The following SLC16A7 variants were observed in gnomAD, a reference collection of about 807,000 sequenced individuals.
The protein encoded by SLC16A7 is monocarboxylate transporter 2.
SLC16A7 carries 33 observed loss-of-function variants against 34.9 expected under a neutral mutation model. The ratio of observed to expected loss-of-function variants is 0.94; its 90% CI spans 0.72 to 1.26. The LOEUF (loss-of-function observed/expected upper bound fraction) is 1.26. SLC16A7 is among the 50% of genes most tolerant of loss of function. The pLI is 0.00. For missense variants in SLC16A7, 573 were observed against 578.1 expected (o/e 0.99, Z 0.09); for synonymous variants, 201 against 206.6 (o/e 0.97, Z 0.23).
intron 3 of SLC16A7, among the ~76,000 whole-genome samples, chr12:59,732,692 G>C (rs996601552): frequency 6.6e-6 from 1 of 152,112 alleles, no homozygotes; most frequent in Non-Finnish European, 1.5e-5. Flanking sequence ...CATTCTGAGG[G>C]ACTTCATAAG....
At chr12:59,723,880 T>C (rs1875915691) in intron 3 of SLC16A7, among the ~76,000 whole-genome samples, 1 of 152,028 alleles carries the variant, frequency 6.6e-6, no homozygotes, top group Non-Finnish European at 1.5e-5. Flanking sequence ...ATTGCCTTTT[T>C]TTCTTCCATG....
At chr12:59,723,359 G>T (rs1875836837) in intron 3 of SLC16A7, among the ~76,000 whole-genome samples, 1 of 151,920 alleles carries the variant, frequency 6.6e-6, no homozygotes, top group Non-Finnish European at 1.5e-5. Flanking sequence ...ATCCTCCTGT[G>T]TGCCAGGAAT....
At chr12:59,629,132 C>G (rs1375372965) in intron 1 of SLC16A7, among the ~76,000 whole-genome samples, 1 of 151,798 alleles carries the variant, frequency 6.6e-6, no homozygotes, top group Non-Finnish European at 1.5e-5. Context: ...CTGATCTCTT[C>G]TTATAAGGAC....
chr12:59,629,567 C>T (rs998453061), intron 1 of SLC16A7, among the ~76,000 whole-genome samples: 1 of 151,900 alleles, frequency 6.6e-6, no homozygotes, highest in Non-Finnish European at 1.5e-5. Context: ...TTACAAGCAG[C>T]ATTTAAATGG....
intron 4 of SLC16A7, among the ~76,000 whole-genome samples, chr12:59,773,650 C>T (rs879727745): frequency 3.3e-5 from 5 of 151,872 alleles, no homozygotes; most frequent in Admixed American, 6.6e-5. Flanking sequence ...CTGCAATCTC[C>T]GCCTCCTCAG....
Position 59,776,261 on chromosome 12 carries a change from G to T in SLC16A7, c.1180+786G>T, listed in dbSNP as rs77401938. On this transcript the variant is annotated intron_variant, in intron 5 of 5. Transcript: ENST00000547379. ...TAAAATGTACATTACAGAAGCATTAGATTTTTGTTGGAATTGCTTGTGGTT... is the reference window on the plus strand; with the variant it reads ...TAAAATGTACATTACAGAAGCATTATATTTTTGTTGGAATTGCTTGTGGTT... Among the ~76,000 whole-genome samples the T allele has an allele frequency of 3.5e-3, 526 of 152,290 alleles. 2 individuals carry two copies. The highest frequency in any genetic ancestry group is 3.9e-3 in the Non-Finnish European group (262 of 68,014).
At chr12:59,634,433 G>A (rs76477171) in intron 1 of SLC16A7, among the ~76,000 whole-genome samples, 3,714 of 152,170 alleles carry the variant, frequency 0.024, 70 homozygotes, top group Middle Eastern at 0.044. Context: ...TAGTTGGTGA[G>A]AGAGATTGAG....
intron 3 of SLC16A7, among the ~76,000 whole-genome samples, chr12:59,753,603 A>G (rs1050244816): frequency 6.6e-6 from 1 of 151,888 alleles, no homozygotes; most frequent in Non-Finnish European, 1.5e-5. Flanking sequence ...CAGATTCATA[A>G]AGCAAGTCCT....
chr12:59,615,425 A>G (rs946764528), intron 1 of SLC16A7, among the ~76,000 whole-genome samples: 2 of 152,228 alleles, frequency 1.3e-5, no homozygotes, highest in Admixed American at 1.3e-4. Flanking sequence ...GGCAGTGATT[A>G]CTATTAAAAA....
intron 1 of SLC16A7, among the ~76,000 whole-genome samples, chr12:59,648,351 C>T (rs558820968): frequency 1.6e-3 from 243 of 152,180 alleles, no homozygotes; most frequent in Non-Finnish European, 3.0e-3. Flanking sequence ...TGCAAGAAGA[C>T]ATAGGCATGA....
chr12:59,732,756 C>G (rs186364591), intron 3 of SLC16A7, among the ~76,000 whole-genome samples: 72 of 152,288 alleles, frequency 4.7e-4, no homozygotes, highest in African/African-American at 1.7e-3. Flanking sequence ...TTATTCACCC[C>G]ACTCATTTAT....
intron 2 of SLC16A7, among the ~76,000 whole-genome samples, chr12:59,692,357 A>G (rs1415347205): frequency 6.6e-6 from 1 of 151,974 alleles, no homozygotes; most frequent in African/African-American, 2.4e-5. Flanking sequence ...AGTTCTGGGG[A>G]TCCAGACATG....
intron 1 of SLC16A7, among the ~76,000 whole-genome samples, chr12:59,626,883 A>G (rs931512764): frequency 1.3e-5 from 2 of 151,858 alleles, no homozygotes; most frequent in African/African-American, 4.8e-5. Context: ...AAACTTTTCA[A>G]CAGAATATAT....
chr12:59,745,144 A>G (rs544222229), intron 3 of SLC16A7, among the ~76,000 whole-genome samples: 2 of 152,020 alleles, frequency 1.3e-5, no homozygotes, highest in African/African-American at 4.8e-5. Flanking sequence ...GCTTCTCTTT[A>G]TGATTATAAA....
intron 2 of SLC16A7, among the ~76,000 whole-genome samples, chr12:59,701,776 GTTA>G (rs1872914986): frequency 6.6e-6 from 1 of 151,548 alleles, no homozygotes; most frequent in African/African-American, 2.4e-5. Flanking sequence ...TTGTATTGAT[GTTA>G]TTATTTTAAA....
At chr12:59,677,713 A>C (rs1391903825) in intron 2 of SLC16A7, among the ~76,000 whole-genome samples, 1 of 152,176 alleles carries the variant, frequency 6.6e-6, no homozygotes, top group Admixed American at 6.5e-5. Flanking sequence ...CTATCTCTTA[A>C]ATGCAAACTA....
chr12:59,784,780 G>A lies in SLC16A7; in HGVS notation c.*5101G>A, dbSNP rs1057076893. 4 of 152,128 alleles carry A rather than the reference G, an allele frequency of 2.6e-5. No individual in the cohort carries two copies. The highest frequency in any genetic ancestry group is 9.7e-5 in the African/African-American group (4 of 41,416). The allele number at this position is 152,128 out of a possible 1,614,324, so 9.4% of individuals were successfully genotyped here. ...TTTATAATTACATACACATATAATT[G>A]AATATGATTTTAGAGTCTTGAAAAA... On this transcript the variant is annotated 3_prime_UTR_variant, in exon 6 of 6. Transcript: ENST00000547379.
intron 3 of SLC16A7, chr12:59,733,711 T>C (rs1001421321): frequency 2.2e-6 from 1 of 456,010 alleles, no homozygotes; most frequent in Admixed American, 2.3e-5. Flanking sequence ...AGTCCCGCCA[T>C]TCAGCAGGTC....
chr12:59,652,257 A>G (rs534961194), intron 1 of SLC16A7, among the ~76,000 whole-genome samples: 28 of 152,180 alleles, frequency 1.8e-4, no homozygotes, highest in Non-Finnish European at 2.9e-4. Flanking sequence ...GATAATAATC[A>G]ACCAGGTGTA....
Sources: allele counts gnomAD v4.1 joint callset (sites outside exome capture counted in the v4.1 genomes callset), GRCh38; gene constraint gnomAD v4.1.1; transcripts MANE v1.5; gene names NCBI Gene and HGNC (gene_info 2026-07-23, HGNC 2026-07-21).